SNAP23: variants seen among roughly 807,000 people sequenced by gnomAD.
The protein encoded by SNAP23 is synaptosome associated protein 23, also known as synaptosomal-associated protein 23.
A neutral mutation model predicts 29.0 loss-of-function variants in SNAP23; 11 were observed. The observed-to-expected ratio is 0.38, with a 90% CI of 0.24 to 0.63. The LOEUF is 0.63. SNAP23 is among the 20% of genes least tolerant of loss of function. The probability of loss-of-function intolerance (pLI) is 0.58; values close to 1 mark genes in which losing one functional copy is unlikely to be tolerated. For synonymous variants in SNAP23, 60 were observed against 82.9 expected (o/e 0.72, Z 1.50); for missense variants, 220 against 253.9 (o/e 0.87, Z 0.91).
chr15:42,523,682 C>T (rs10518766), intron 5 of SNAP23, among the ~76,000 whole-genome samples: 1 of 152,108 alleles, frequency 6.6e-6, no homozygotes, highest in Non-Finnish European at 1.5e-5. Flanking sequence ...CCTAGTTTTA[C>T]GTACAAAGAA....
chr15:42,529,837 C>T lies in SNAP23; in HGVS notation c.570+18C>T. On this transcript the variant is annotated intron_variant, in intron 7 of 7. Transcript: ENST00000249647. ...CAGACAAGGTAAAAGCTTTTTATTG[C>T]CACAAGAAAATGAGACACCCAGTTC... is the stretch of plus-strand genomic sequence containing the variant. The T allele has an allele frequency of 6.2e-7, 1 of 1,608,652 alleles. No individual in the cohort carries two copies. Among genetic ancestry groups the T allele is most frequent in the Non-Finnish European group, 8.5e-7 (1 of 1,178,328 alleles).
chr15:42,531,155 T>G (rs2057561097), intron 7 of SNAP23, among the ~76,000 whole-genome samples: 1 of 152,228 alleles, frequency 6.6e-6, no homozygotes, highest in South Asian at 2.1e-4. Flanking sequence ...TCAGGCATGT[T>G]AAACTATGAA....
intron 1 of SNAP23, among the ~76,000 whole-genome samples, chr15:42,510,349 T>C (rs1237753863): frequency 6.6e-6 from 1 of 152,100 alleles, no homozygotes; most frequent in South Asian, 2.1e-4. Context: ...TTGCCCAGGC[T>C]GAACTCCAAC....
intron 5 of SNAP23, chr15:42,521,673 G>A: frequency 7.6e-7 from 1 of 1,316,038 alleles, no homozygotes; most frequent in East Asian, 2.5e-5. Context: ...ATGCAGTCTT[G>A]TGGCGCAGTT....
intron 1 of SNAP23, 135 bp from the exon 2 acceptor site, chr15:42,511,698 T>TA (rs143354289): frequency 0.021 from 9,528 of 458,228 alleles, 682 homozygotes; most frequent in African/African-American, 0.16. Context: ...GACTAATAGA[T>TA]ATAGAAAGAG....
chr15:42,522,661 G>T (rs1595527613), intron 5 of SNAP23, among the ~76,000 whole-genome samples: 4 of 132,426 alleles, frequency 3.0e-5, no homozygotes, highest in East Asian at 2.3e-4. Flanking sequence ...CTAATATTTA[G>T]TTTTATTTTT....
intron 6 of SNAP23, among the ~76,000 whole-genome samples, chr15:42,529,150 C>A (rs539856040): frequency 1.3e-5 from 2 of 152,256 alleles, no homozygotes; most frequent in African/African-American, 4.8e-5. Flanking sequence ...TTAAAGCAGG[C>A]ATAAACAATA....
chr15:42,508,414 C>T (rs113351676), intron 1 of SNAP23, among the ~76,000 whole-genome samples: 51 of 152,336 alleles, frequency 3.3e-4, no homozygotes, highest in Admixed American at 1.0e-3. Context: ...CTCTGAGCGA[C>T]AGCCACACTA....
intron 1 of SNAP23, among the ~76,000 whole-genome samples, chr15:42,503,570 G>T (rs141695964): frequency 6.6e-6 from 1 of 151,850 alleles, no homozygotes; most frequent in South Asian, 2.1e-4. Flanking sequence ...GGGTTTTGCC[G>T]TGTTGGCCAG....
chr15:42,517,540 A>C (rs2057407684), intron 5 of SNAP23, among the ~76,000 whole-genome samples: 2 of 152,224 alleles, frequency 1.3e-5, no homozygotes, highest in Non-Finnish European at 2.9e-5. Flanking sequence ...CTAATATCAT[A>C]GAAAGTGGGA....
chr15:42,493,896 T>C (rs938775390), upstream of SNAP23, among the ~76,000 whole-genome samples: 1 of 152,004 alleles, frequency 6.6e-6, no homozygotes, highest in Non-Finnish European at 1.5e-5. Flanking sequence ...CTTCCTCTCA[T>C]AATTGGGGAA....
At chr15:42,525,149 C>T (rs1009187102) in intron 5 of SNAP23, among the ~76,000 whole-genome samples, 1 of 140,248 alleles carries the variant, frequency 7.1e-6, no homozygotes, top group Admixed American at 7.0e-5. Flanking sequence ...AGGCGGATCA[C>T]GAGGTCAGGA....
chr15:42,521,679 C>A, intron 5 of SNAP23: 1 of 1,217,102 alleles, frequency 8.2e-7, no homozygotes, highest in Non-Finnish European at 1.2e-6. Context: ...TCTTGTGGCG[C>A]AGTTTGGGCT....
chr15:42,495,621 G>C (rs1244558054), upstream of SNAP23: 1 of 152,488 alleles, frequency 6.6e-6, no homozygotes, highest in South Asian at 2.1e-4. Context: ...AGGCGCGCGG[G>C]CTCGGCGCGC....
chr15:42,500,134 T>C (rs997461149), intron 1 of SNAP23, among the ~76,000 whole-genome samples: 1 of 105,714 alleles, frequency 9.5e-6, no homozygotes, highest in African/African-American at 3.2e-5. Context: ...CTCTTTGATA[T>C]CAGCTGCCTT....
intron 5 of SNAP23, among the ~76,000 whole-genome samples, chr15:42,522,586 T>C (rs758801543): frequency 3.9e-5 from 6 of 151,958 alleles, no homozygotes; most frequent in Non-Finnish European, 8.8e-5. Context: ...CACACTCACA[T>C]TCACTCTTTA....
At chr15:42,523,062 T>C (rs1010416374) in intron 5 of SNAP23, among the ~76,000 whole-genome samples, 1 of 151,894 alleles carries the variant, frequency 6.6e-6, no homozygotes, top group Non-Finnish European at 1.5e-5. Flanking sequence ...GTCAGGCTGG[T>C]CTTGAACTCC....
intron 4 of SNAP23, among the ~76,000 whole-genome samples, chr15:42,514,133 TG>T (rs67949768): frequency 0.093 from 13,950 of 150,352 alleles, 720 homozygotes; most frequent in South Asian, 0.17. Context: ...TGTTTTGTTT[TG>T]TTTTTTTAAT....
chr15:42,520,045 C>CTTTTTTTTTTTTTTTTTTTTTT (rs201577060), intron 5 of SNAP23, among the ~76,000 whole-genome samples: 1 of 92,980 alleles, frequency 1.1e-5, no homozygotes, highest in Non-Finnish European at 2.0e-5. Context: ...AACCCCCTTG[C>CTTTTTTTTTTTTTTTTTTTTTT]TTTTTTTTTT....
Sources: allele counts gnomAD v4.1 joint callset (sites outside exome capture counted in the v4.1 genomes callset), GRCh38; gene constraint gnomAD v4.1.1; transcripts MANE v1.5; gene names NCBI Gene and HGNC (gene_info 2026-07-23, HGNC 2026-07-21).